LYST: variants seen among roughly 807,000 people sequenced by gnomAD.
LYST encodes the protein lysosomal-trafficking regulator.
A neutral mutation model predicts 413.6 loss-of-function variants in LYST; 192 were observed. The observed-to-expected ratio is 0.46, with a 90% CI of 0.41 to 0.52. The LOEUF is 0.52. LYST is among the 20% of genes least tolerant of loss of function. The pLI is 0.00. For synonymous variants in LYST, 1,525 were observed against 1,567.3 expected (o/e 0.97, Z 0.64); for missense variants, 3,815 against 4,499.9 (o/e 0.85, Z 4.35).
intron 21 of LYST, among the ~76,000 whole-genome samples, chr1:235,765,369 C>T (rs1354462305): frequency 1.3e-5 from 2 of 152,158 alleles, no homozygotes; most frequent in Non-Finnish European, 2.9e-5. Context: ...CCTTACTGCC[C>T]CTAGTTCCTT....
chr1:235,819,697 G>A (rs1674545445), intron 3 of LYST, among the ~76,000 whole-genome samples: 1 of 152,234 alleles, frequency 6.6e-6, no homozygotes, highest in East Asian at 1.9e-4. Flanking sequence ...CCCAGCTGGA[G>A]TGCAGTGGCG....
At position 235,724,111 on chromosome 1, in the gene LYST, G is replaced by A. The variant is rs1663633297; in HGVS notation, c.9232C>T (p.Arg3078Cys). Residue 3078 changes from arginine to cysteine, a missense_variant, in exon 39 of 53, where the codon CGT becomes TGT. By Grantham distance (180) the Arg-to-Cys change is radical. Transcript: ENST00000389793. ...TYEEIKEVHK[R>C]WWQLRDNAVE... Reference sequence around the variant, plus strand: ...GCATTATCTCTCAATTGCCACCAACGCTTGTGAACTTCTTTAATTTCTTCA... The same window carrying A: ...GCATTATCTCTCAATTGCCACCAACACTTGTGAACTTCTTTAATTTCTTCA... 1.2e-6 allele frequency: 2 copies of A among 1,612,964 alleles called. No homozygotes were observed. The highest frequency in any genetic ancestry group is 1.3e-5 in the African/African-American group (1 of 74,854).
chr1:235,668,438 C>T (rs1658677532), intron 50 of LYST, among the ~76,000 whole-genome samples: 1 of 152,072 alleles, frequency 6.6e-6, no homozygotes, highest in African/African-American at 2.4e-5. Context: ...ATATATGTAT[C>T]AAGAGACCTT....
chr1:235,745,797 C>T (rs1665861453), intron 29 of LYST, among the ~76,000 whole-genome samples: 1 of 152,144 alleles, frequency 6.6e-6, no homozygotes, highest in South Asian at 2.1e-4. Context: ...AGGCTACATA[C>T]TGTACGCTTC....
At chr1:235,709,031 C>T in intron 44 of LYST, 60 bp downstream of exon 44, 2 of 1,478,944 alleles carry the variant, frequency 1.4e-6, no homozygotes, top group South Asian at 1.1e-5. Flanking sequence ...GAACAACTAA[C>T]CTTAAAATAT....
intron 1 of LYST, among the ~76,000 whole-genome samples, chr1:235,843,333 T>G (rs1572429280): frequency 6.6e-6 from 1 of 152,186 alleles, no homozygotes; most frequent in Admixed American, 6.5e-5. Flanking sequence ...CTGTTCTGAA[T>G]AGTGGGATAT....
chr1:235,786,240 T>A (rs1210259012), intron 14 of LYST, among the ~76,000 whole-genome samples: 2 of 152,208 alleles, frequency 1.3e-5, no homozygotes, highest in Non-Finnish European at 2.9e-5. Context: ...GACAGGAGGC[T>A]TATTTTGCAT....
At chr1:235,781,807 G>A (rs1291946776) in intron 15 of LYST, 120 bp downstream of exon 15, 1 of 706,858 alleles carries the variant, frequency 1.4e-6, no homozygotes, top group Non-Finnish European at 2.5e-6. Flanking sequence ...TTTTAGCCAG[G>A]TTAATTTACT....
chr1:235,808,257 T>C (rs1033140569), intron 5 of LYST, among the ~76,000 whole-genome samples, 198 bp downstream of exon 5: 5 of 152,162 alleles, frequency 3.3e-5, no homozygotes, highest in African/African-American at 1.2e-4. Flanking sequence ...AGGAGAACAT[T>C]TTTTGTTGAC....
chr1:235,737,010 CA>C (rs1395472815), intron 31 of LYST: 1 of 151,600 alleles, frequency 6.6e-6, no homozygotes, highest in Non-Finnish European at 1.5e-5. Flanking sequence ...AACAAAAACC[CA>C]AAGGAATCCC....
Position 235,809,828 on chromosome 1 carries a change from T to C in LYST, c.990A>G (p.Thr330=). ...VALIQRMLFR[T]VLHLLSVDVS... ...CATCTACTGACAGAAGATGCAACAC[T>C]GTTCGAAAGAGCATCCTTTGAATCA... Residue 330 remains threonine, a synonymous_variant, in exon 5 of 53, where the codon ACA becomes ACG. Transcript: ENST00000389793. The surrounding 1 kb of genome is among the most constrained non-coding windows in gnomAD (Gnocchi z 4.0). The C allele has an allele frequency of 1.2e-6, 2 of 1,613,984 alleles. No homozygotes were observed. The highest frequency in any genetic ancestry group is 1.7e-6 in the Non-Finnish European group (2 of 1,179,968).
In LYST at chr1:235,808,833, T is replaced by G; in HGVS notation, c.1985A>C (p.Glu662Ala). Residue 662 changes from glutamate (E) to alanine (A), a missense_variant, in exon 5 of 53, where the codon GAA (glutamate) becomes GCA (alanine). Glu to Ala is a moderately radical substitution (Grantham distance 107). Coordinates refer to ENST00000389793, the MANE Select transcript of LYST (RefSeq NM_000081.4). ...ETLQGNLCDA[E>A]LSSSLSSPSY... ...AGGACTGGATAAACTTGAGGAGAGTTCAGCATCACATAAGTTTCCCTGCAG... is the reference window on the plus strand; with the variant it reads ...AGGACTGGATAAACTTGAGGAGAGTGCAGCATCACATAAGTTTCCCTGCAG... 6.2e-7 allele frequency: 1 copy of G among 1,614,068 alleles called. No individual in the cohort carries two copies. Among genetic ancestry groups the G allele is most frequent in the Non-Finnish European group, 8.5e-7 (1 of 1,180,018 alleles).
At chr1:235,872,590 CA>C (rs1186534787) in intron 1 of LYST, among the ~76,000 whole-genome samples, 4 of 152,138 alleles carry the variant, frequency 2.6e-5, no homozygotes, top group Admixed American at 6.5e-5. Flanking sequence ...AATCATCCAA[CA>C]GGGGAGGTCA....
At chr1:235,665,630 AAG>A (rs1178911640) in intron 50 of LYST, among the ~76,000 whole-genome samples, 39 of 151,550 alleles carry the variant, frequency 2.6e-4, no homozygotes, top group Middle Eastern at 3.4e-3. Flanking sequence ...AAAAAAAAAA[AAG>A]TGACTTATGT....
chr1:235,702,889 G>T lies in LYST; in HGVS notation c.10232C>A (p.Pro3411His), dbSNP rs753787891. Reference protein sequence around the residue: ...ETMIKTYGQTPRQLFHMAHVS... With the variant: ...ETMIKTYGQTHRQLFHMAHVS... ...ATGGGCCATGTGGAACAGCTGACGG[G>T]GAGTCTGCCCGTAGGTTTTTATCAT... Residue 3411 changes from proline to histidine, a missense_variant, in exon 45 of 53, where the codon CCC (proline) becomes CAC (histidine). Physicochemically the swap from Pro to His is moderately conservative, Grantham distance 77. Around this residue, in one of 4 missense-constraint regions of LYST, gnomAD observed 866 missense variants for 1,156.0 expected, o/e 0.75. Transcript: ENST00000389793. 1.2e-6 allele frequency: 2 copies of T among 1,614,196 alleles called. No individual in the cohort carries two copies. Among genetic ancestry groups the T allele is most frequent in the Non-Finnish European group, 8.5e-7 (1 of 1,180,024 alleles).
At chr1:235,782,228 G>A in intron 14 of LYST, 141 bp from the exon 15 acceptor site, 1 of 720,984 alleles carries the variant, frequency 1.4e-6, no homozygotes, top group Admixed American at 2.6e-5. Context: ...GCCCAGGTTG[G>A]CACGATCTCA....
At chr1:235,767,341 G>A (rs1462607910) in intron 20 of LYST, among the ~76,000 whole-genome samples, 1 of 151,924 alleles carries the variant, frequency 6.6e-6, no homozygotes, top group Admixed American at 6.6e-5. Context: ...AATTTAGTTC[G>A]ACTACCTCAG....
chr1:235,782,209 C>G, intron 14 of LYST, 122 bp from the exon 15 acceptor site: 1 of 835,948 alleles, frequency 1.2e-6, no homozygotes, highest in Non-Finnish European at 1.8e-6. Flanking sequence ...GACAGAGTCT[C>G]GCTCTGTTGC....
At chr1:235,862,806 AACACACACACACACACAC>A (rs57043954) in intron 1 of LYST, among the ~76,000 whole-genome samples, 19 of 121,422 alleles carry the variant, frequency 1.6e-4, no homozygotes, top group African/African-American at 5.8e-4. Context: ...AAAACAAACA[AACACACACACACACACAC>A]ACACACACAC....
Sources: gnomAD v4.1 joint callset for allele counts (sites outside exome capture counted in the v4.1 genomes callset) on GRCh38, gnomAD v4.1.1 for gene constraint, gnomAD v4.1.1 regional missense constraint, Gnocchi (gnomAD v3.1) non-coding constraint, MANE v1.5 for transcripts, NCBI Gene and HGNC (gene_info 2026-07-23, HGNC 2026-07-21) for gene names.